Variants in OTC observed in about 807,000 individuals in gnomAD.
OTC encodes the protein ornithine transcarbamylase, mitochondrial.
In OTC, 3 loss-of-function variants were observed where a neutral mutation model predicts 30.3. The ratio of observed to expected loss-of-function variants is 0.10; its 90% CI spans 0.05 to 0.26. OTC has a LOEUF of 0.26. Ranked by LOEUF, OTC falls within the 10% of genes least tolerant of loss-of-function variation. The probability of loss-of-function intolerance (pLI) is 1.00; values close to 1 mark genes in which losing one functional copy is unlikely to be tolerated. For missense variants in OTC, 194 were observed against 260.3 expected, an observed-to-expected ratio of 0.75 and a Z score of 1.75; for synonymous variants, 111 against 99.7, an observed-to-expected ratio of 1.11 and a Z score of -0.67.
At chrX:38,355,112 C>T (rs1425418382) in intron 1 of OTC, among the ~76,000 whole-genome samples, 1 of 111,882 alleles carries the variant, frequency 8.9e-6, no homozygotes, top group African/African-American at 3.3e-5. Flanking sequence ...AAATAGGAAT[C>T]GCAGTTTTGA....
intron 1 of OTC, among the ~76,000 whole-genome samples, chrX:38,358,898 A>C (rs2068255992): frequency 1.8e-5 from 2 of 110,584 alleles, no homozygotes. Flanking sequence ...CTGGGATTAC[A>C]AGCATGAGCC....
At chrX:38,344,594 C>T in the OTC span, among the ~76,000 whole-genome samples, 2 of 111,386 alleles carry the variant, frequency 1.8e-5, no homozygotes, top group African/African-American at 3.3e-5. Context: ...CAGTGGATCA[C>T]AGATCTGAAT....
chrX:38,413,773 A>C (rs2068555847), intron 9 of OTC, among the ~76,000 whole-genome samples: 1 of 108,368 alleles, frequency 9.2e-6, no homozygotes, highest in Non-Finnish European at 1.9e-5. Context: ...GGGTTCAAGC[A>C]ATTTTGCTAC....
At chrX:38,346,405 T>G in the OTC span, among the ~76,000 whole-genome samples, 1 of 112,257 alleles carries the variant, frequency 8.9e-6, no homozygotes, top group Admixed American at 9.5e-5. Context: ...TCTTCAACAG[T>G]TAAACATAAC....
intron 4 of OTC, among the ~76,000 whole-genome samples, chrX:38,397,157 C>T (rs992727057): frequency 1.8e-5 from 2 of 111,899 alleles, no homozygotes; most frequent in African/African-American, 6.5e-5. Flanking sequence ...ACATAATATT[C>T]ACTCTTCTTT....
At chrX:38,336,245 G>C in the OTC span, among the ~76,000 whole-genome samples, 104 of 110,395 alleles carry the variant, frequency 9.4e-4, 1 homozygote, top group African/African-American at 3.2e-3. Flanking sequence ...GTGTAGAGCA[G>C]TATATCTTGA....
intron 3 of OTC, among the ~76,000 whole-genome samples, chrX:38,370,528 A>T (rs1234510477): frequency 9.0e-6 from 1 of 111,517 alleles, no homozygotes; most frequent in African/African-American, 3.3e-5. Context: ...AAGAACTCAT[A>T]TTGAGACAAC....
At chrX:38,365,719 T>G (rs371386311) in intron 1 of OTC, among the ~76,000 whole-genome samples, 9 of 112,222 alleles carry the variant, frequency 8.0e-5, no homozygotes, top group African/African-American at 2.9e-4. Flanking sequence ...CCTGAGAAAT[T>G]TAAAGTAGGA....
chrX:38,422,076 A>G (rs769652052), downstream of OTC, among the ~76,000 whole-genome samples: 18 of 112,309 alleles, frequency 1.6e-4, no homozygotes, highest in Non-Finnish European at 3.2e-4. Context: ...GTTAAATAAC[A>G]TAAGTGAAGT....
intron 1 of OTC, among the ~76,000 whole-genome samples, chrX:38,361,111 C>T (rs1057297841): frequency 9.0e-6 from 1 of 111,512 alleles, no homozygotes; most frequent in African/African-American, 3.3e-5. Context: ...CAAGACCAGC[C>T]TGGTCAACAT....
At position 38,401,314 on chromosome X, in the gene OTC, G is replaced by A. The variant is rs760271775; in HGVS notation, c.426G>A (p.Val142=). 3.2e-5 allele frequency: 39 copies of A among 1,200,694 alleles called. No individual in the cohort carries two copies. The highest frequency in any genetic ancestry group is 4.2e-5 in the Non-Finnish European group (37 of 887,172). ...TGGCAGATGCAGTATTGGCTCGAGT[G>A]TATAAACAATCAGATTTGGACACCC... The part of the protein sequence containing the change: ...SSMADAVLAR[V]YKQSDLDTLA... The change falls in exon 5 of 10, where the codon GTG becomes GTA. Residue 142 remains valine, a synonymous_variant. Transcript: ENST00000039007.
At chrX:38,421,849 C>T (rs747691207), downstream of OTC, among the ~76,000 whole-genome samples, 1 of 111,629 alleles carries the variant, frequency 9.0e-6, no homozygotes, top group African/African-American at 3.2e-5. Flanking sequence ...CACATCTGTG[C>T]TTATCATGCA....
At chrX:38,402,359 C>G (rs952864478) in intron 5 of OTC, among the ~76,000 whole-genome samples, 11 of 111,788 alleles carry the variant, frequency 9.8e-5, no homozygotes, top group African/African-American at 3.6e-4. Context: ...ATAATGTCCC[C>G]TGCAGGACCT....
In OTC at chrX:38,408,750, G is replaced by A. The variant is rs750738921; in HGVS notation, c.672G>A (p.Glu224=). Residue 224 remains glutamate (E), a synonymous_variant, in exon 7 of 10, where the codon GAG becomes GAA. Coordinates refer to ENST00000039007, the MANE Select transcript of OTC (RefSeq NM_000531.6). ...HLQAATPKGY[E]PDASVTKLAE... is the part of the protein sequence containing the mutation. ...AATTCTTCCTCCTTTAGGGTTATGA[G>A]CCGGATGCTAGTGTAACCAAGTTGG... 4 of 1,196,006 alleles carry A rather than the reference G, an allele frequency of 3.3e-6. No individual in the cohort carries two copies. The highest frequency in any genetic ancestry group is 3.4e-6 in the Non-Finnish European group (3 of 882,512).
intron 9 of OTC, among the ~76,000 whole-genome samples, chrX:38,414,400 G>A (rs1051367732): frequency 9.0e-6 from 1 of 111,436 alleles, no homozygotes; most frequent in Non-Finnish European, 1.9e-5. Flanking sequence ...AGATCTTACC[G>A]CCATCTCCCC....
intron 4 of OTC, among the ~76,000 whole-genome samples, chrX:38,384,924 T>C (rs2068394879): frequency 8.9e-6 from 1 of 112,491 alleles, no homozygotes; most frequent in Admixed American, 9.4e-5. Flanking sequence ...AAATAGTTAT[T>C]GAATGCCTCA....
At chrX:38,385,403 T>G (rs2068397255) in intron 4 of OTC, among the ~76,000 whole-genome samples, 2 of 112,112 alleles carry the variant, frequency 1.8e-5, no homozygotes, top group South Asian at 7.4e-4. Context: ...TTGAAATAAG[T>G]GCTATGATGA....
At chrX:38,420,088 C>A (rs1435490730) in intron 9 of OTC, among the ~76,000 whole-genome samples, 1 of 111,084 alleles carries the variant, frequency 9.0e-6, no homozygotes, top group African/African-American at 3.3e-5. Context: ...ACATTGTATA[C>A]ATATATCAAA....
At chrX:38,353,873 G>T (rs1159529815) in intron 1 of OTC, among the ~76,000 whole-genome samples, 2 of 111,661 alleles carry the variant, frequency 1.8e-5, no homozygotes, top group Non-Finnish European at 3.8e-5. Context: ...AATTGAAATT[G>T]TTTCACTTCT....
Sources: allele counts gnomAD v4.1 joint callset (sites outside exome capture counted in the v4.1 genomes callset), GRCh38; gene constraint gnomAD v4.1.1; transcripts MANE v1.5; gene names NCBI Gene and HGNC (gene_info 2026-07-23, HGNC 2026-07-21).